TNS1: variants seen among roughly 807,000 people sequenced by gnomAD.
The protein encoded by TNS1 is tensin 1.
In TNS1, 62 loss-of-function variants were observed where a neutral mutation model predicts 168.6. The observed-to-expected ratio is 0.37, with a 90% CI of 0.30 to 0.45. The LOEUF (loss-of-function observed/expected upper bound fraction) is 0.45, where lower values mean the gene tolerates loss of function less well. Among genes scored for constraint, TNS1 ranks in the 20% least tolerant of loss-of-function variants. The pLI, the probability that TNS1 is intolerant of heterozygous loss-of-function variation, is 1.00. For missense variants in TNS1, 2,240 were observed against 2,339.4 expected, an observed-to-expected ratio of 0.96 and a Z score of 0.88; for synonymous variants, 934 against 933.2, an observed-to-expected ratio of 1.00 and a Z score of -0.02.
intron 1 of TNS1, among the ~76,000 whole-genome samples, chr2:218,023,482 G>C (rs547815327): frequency 6.6e-6 from 1 of 152,240 alleles, no homozygotes; most frequent in Non-Finnish European, 1.5e-5. Context: ...AGACCCCCAA[G>C]CCCAGGGCTC....
intron 18 of TNS1, among the ~76,000 whole-genome samples, chr2:217,866,222 C>G (rs1042646518): frequency 4.6e-5 from 7 of 152,178 alleles, no homozygotes; most frequent in African/African-American, 1.7e-4. Flanking sequence ...GCCAAAGAGC[C>G]AGAATTCTAA....
intron 4 of TNS1, among the ~76,000 whole-genome samples, chr2:217,910,975 C>A (rs901270394): frequency 3.3e-5 from 5 of 152,096 alleles, no homozygotes; most frequent in East Asian, 3.9e-4. Flanking sequence ...TCACCCTTGG[C>A]CCCCAGCCAT....
In TNS1 at chr2:217,880,818, G is replaced by A; in HGVS notation, c.1429+80C>T. On this transcript the variant is annotated intron_variant, in intron 18 of 32. Transcript: ENST00000682258. The surrounding 1 kb of genome is among the most constrained non-coding windows in gnomAD (Gnocchi z 4.2). ...CCTCTCGAACCCAGATCTCTTGAAA[G>A]CAGGCCAAGAGAAGCAAGGTCATGT... 1 of 1,095,402 alleles carries A rather than the reference G, an allele frequency of 9.1e-7. No homozygotes were observed. The highest frequency in any genetic ancestry group is 1.4e-6 in the Non-Finnish European group (1 of 719,732). 67.9% of individuals were successfully genotyped at this position (1,095,402 alleles called of 1,614,324 possible). A position where few individuals can be genotyped will look rare whatever the true frequency, so the allele number is the denominator to read the frequency against.
intron 3 of TNS1, among the ~76,000 whole-genome samples, chr2:217,924,364 T>C (rs919174869): frequency 7.9e-5 from 12 of 152,202 alleles, no homozygotes; most frequent in Middle Eastern, 3.4e-3. Context: ...CCCACACTCA[T>C]ATCTCTGCCT....
At position 217,821,983 on chromosome 2, in the gene TNS1, G is replaced by T. The variant is rs187807540; in HGVS notation, c.3374-45C>A. 235 of 1,531,792 alleles carry T rather than the reference G, an allele frequency of 1.5e-4. 2 individuals carry two copies. In the African/African-American group the frequency reaches 2.4e-3, roughly 16 times the overall value. The allele number at this position is 1,531,792 out of a possible 1,614,324, so 94.9% of individuals were successfully genotyped here. A position where few individuals can be genotyped will look rare whatever the true frequency, so the allele number is the denominator to read the frequency against. On this transcript the variant is annotated intron_variant, in intron 22 of 32. Coordinates refer to ENST00000682258, the MANE Select transcript of TNS1 (RefSeq NM_001387777.1). Reference sequence around the variant, plus strand: ...AGAGACACTGAGCACAGATGCACAGGGGTGCAGTGCAGGTCCCCCCCAACC... The same window carrying T: ...AGAGACACTGAGCACAGATGCACAGTGGTGCAGTGCAGGTCCCCCCCAACC...
intron 28 of TNS1, among the ~76,000 whole-genome samples, 166 bp downstream of exon 28, chr2:217,812,202 C>CT (rs1262410728): frequency 2.0e-5 from 3 of 152,204 alleles, no homozygotes; most frequent in Middle Eastern, 3.4e-3. Flanking sequence ...ATTTTTTCTT[C>CT]TTTTTTAATA....
At chr2:218,021,227 G>C (rs1958804177) in intron 1 of TNS1, among the ~76,000 whole-genome samples, 1 of 152,204 alleles carries the variant, frequency 6.6e-6, no homozygotes, top group African/African-American at 2.4e-5. Flanking sequence ...AAAATCTAGA[G>C]ACCAGAGGGG....
chr2:217,854,205 A>G (rs1375327405), intron 18 of TNS1, among the ~76,000 whole-genome samples: 1 of 152,166 alleles, frequency 6.6e-6, no homozygotes, highest in African/African-American at 2.4e-5. Context: ...CTCTGAGATC[A>G]AGAAACCCCA....
chr2:217,841,361 G>A lies in TNS1; in HGVS notation c.3008-5150C>T, dbSNP rs992138526. ...GAAGGGAGGATATGGGGCAAGGCAG[G>A]CACCCCACCAACAGCACAGGGAACA... On this transcript the variant is annotated intron_variant, in intron 19 of 32. Transcript: ENST00000682258. The A allele has an allele frequency of 6.5e-6, 5 of 764,470 alleles. No individual in the cohort carries two copies. The South Asian group carries it at 2.4e-4, about 37-fold the overall frequency. The allele number at this position is 764,470 out of a possible 1,614,324, so 47.4% of individuals were successfully genotyped here. A position where few individuals can be genotyped will look rare whatever the true frequency, so the allele number is the denominator to read the frequency against.
Position 217,808,064 on chromosome 2 carries a change from G to A in TNS1, c.5375+11C>T, listed in dbSNP as rs775144995. ...CCAGCCTGCTGGGCAGGGGTAAGAA[G>A]TCACACTTACTTAGCAGGGGCACCA... On this transcript the variant is annotated intron_variant, in intron 32 of 32. Transcript: ENST00000682258. 9 of 1,613,254 alleles carry A rather than the reference G, an allele frequency of 5.6e-6. No homozygotes were observed. The highest frequency in any genetic ancestry group is 1.3e-5 in the African/African-American group (1 of 75,044).
At chr2:217,915,235 T>C (rs917858024) in intron 4 of TNS1, among the ~76,000 whole-genome samples, 2 of 152,264 alleles carry the variant, frequency 1.3e-5, no homozygotes, top group African/African-American at 4.8e-5. Flanking sequence ...CCGCTCCCTT[T>C]CTCTGCTTCC....
intron 22 of TNS1, chr2:217,830,096 G>A: frequency 8.9e-6 from 6 of 673,618 alleles, no homozygotes; most frequent in Non-Finnish European, 1.1e-5. Flanking sequence ...CAAGGGGAAG[G>A]CCGAGGCCCA....
chr2:217,922,567 TG>T (rs1031608974), intron 3 of TNS1, among the ~76,000 whole-genome samples: 27 of 152,164 alleles, frequency 1.8e-4, no homozygotes, highest in Admixed American at 4.6e-4. Context: ...ATTTAGAAGC[TG>T]GGGATTGGAA....
intron 19 of TNS1, chr2:217,842,027 GC>G (rs1324746716): frequency 8.6e-6 from 6 of 701,342 alleles, no homozygotes; most frequent in Non-Finnish European, 1.6e-5. Context: ...CCCTGCCCTG[GC>G]CCCCAGAGTT....
chr2:217,899,830 G>T (rs567868515), intron 7 of TNS1, among the ~76,000 whole-genome samples: 2 of 152,342 alleles, frequency 1.3e-5, no homozygotes, highest in African/African-American at 4.8e-5. Context: ...ACAGCTGGCA[G>T]CTGGGCCAGA....
At chr2:217,809,352 G>GATGGATGGATGC (rs1940096679) in intron 30 of TNS1, among the ~76,000 whole-genome samples, 2 of 94,238 alleles carry the variant, frequency 2.1e-5, no homozygotes, top group Non-Finnish European at 4.7e-5. Flanking sequence ...TGGATGCATG[G>GATGGATGGATGC]ATGGATGGAT....
At chr2:217,918,262 G>A (rs1345295025) in intron 4 of TNS1, among the ~76,000 whole-genome samples, 1 of 152,212 alleles carries the variant, frequency 6.6e-6, no homozygotes, top group Non-Finnish European at 1.5e-5. Flanking sequence ...GTCCAGGGAG[G>A]TTAGCAATGT....
At position 217,957,693 on chromosome 2, in the gene TNS1, C is replaced by T. The variant is rs1199584127; in HGVS notation, c.186+21072G>A. ...GAACACAGATGGGGTAGTAGCTGATCATAAGAAATTATTATTAATGATGTT... is the reference window on the plus strand; with the variant it reads ...GAACACAGATGGGGTAGTAGCTGATTATAAGAAATTATTATTAATGATGTT... On this transcript the variant is annotated intron_variant, in intron 3 of 32. Transcript: ENST00000682258. Among the ~76,000 whole-genome samples the T allele has an allele frequency of 2.0e-5, 3 of 151,820 alleles. No homozygotes were observed. In the East Asian group the frequency reaches 5.8e-4, roughly 29 times the overall value.
Position 217,827,268 on chromosome 2 carries a change from C to T in TNS1, c.3373+4187G>A, listed in dbSNP as rs73074332. Reference sequence around the variant, plus strand: ...AATGAATGTAAAGTGTTTCGCACAGCGCCTGGGACATAGCAGACATCCCTC... The same window carrying T: ...AATGAATGTAAAGTGTTTCGCACAGTGCCTGGGACATAGCAGACATCCCTC... On this transcript the variant is annotated intron_variant, in intron 22 of 32. Transcript: ENST00000682258. Among the ~76,000 whole-genome samples the T allele has an allele frequency of 5.9e-3, 894 of 152,288 alleles. 6 individuals are homozygous for T. The highest frequency in any genetic ancestry group is 0.021 in the African/African-American group (865 of 41,558).
Sources: allele counts gnomAD v4.1 joint callset (sites outside exome capture counted in the v4.1 genomes callset), GRCh38; gene constraint gnomAD v4.1.1; non-coding constraint Gnocchi (gnomAD v3.1); transcripts MANE v1.5; gene names NCBI Gene and HGNC (gene_info 2026-07-23, HGNC 2026-07-21).